Variants in WWC1 observed in about 807,000 individuals in gnomAD.
WWC1 encodes the protein WW and C2 domain containing 1.
Under a neutral mutation model 138.4 loss-of-function variants are expected in WWC1, and 55 were observed. The observed-to-expected ratio is 0.40, with a 90% CI of 0.32 to 0.50. The LOEUF (loss-of-function observed/expected upper bound fraction) is 0.50, where lower values mean the gene tolerates loss of function less well. Ranked by LOEUF, WWC1 falls within the 20% of genes least tolerant of loss-of-function variation. The pLI, the probability that WWC1 is intolerant of heterozygous loss-of-function variation, is 0.72. For synonymous variants in WWC1, 524 were observed against 564.9 expected, an observed-to-expected ratio of 0.93 and a Z score of 1.03; for missense variants, 1,226 against 1,420.4, an observed-to-expected ratio of 0.86 and a Z score of 2.20.
Position 168,392,192 on chromosome 5 carries a change from A to G in WWC1, c.434-5532A>G, listed in dbSNP as rs112485435. Among the ~76,000 whole-genome samples, 162 of 152,254 alleles carry G rather than the reference A, an allele frequency of 1.1e-3. 3 individuals are homozygous for G. Among genetic ancestry groups the G allele is most frequent in the African/African-American group, 3.8e-3 (158 of 41,550 alleles). ...AGCAAATTCAGAGCCAGAGTGTACT[A>G]TCCTGAAAGCACGAGTAAGTGAAGG... On this transcript the variant is annotated intron_variant, in intron 3 of 22. Coordinates refer to ENST00000265293, the MANE Select transcript of WWC1 (RefSeq NM_015238.3).
intron 6 of WWC1, among the ~76,000 whole-genome samples, 155 bp from the exon 7 acceptor site, chr5:168,408,352 A>G (rs1488500760): frequency 6.6e-6 from 1 of 152,050 alleles, no homozygotes; most frequent in Non-Finnish European, 1.5e-5. Flanking sequence ...GGACCCACTC[A>G]CTGCTAGCTC....
At chr5:168,297,557 T>C (rs1304500655) in intron 1 of WWC1, among the ~76,000 whole-genome samples, 2 of 135,110 alleles carry the variant, frequency 1.5e-5, no homozygotes, top group Non-Finnish European at 3.1e-5. Context: ...ATCCGGGAGG[T>C]GGAGGTTGTG....
intron 17 of WWC1, among the ~76,000 whole-genome samples, chr5:168,452,280 G>T (rs1354488405): frequency 6.6e-6 from 1 of 152,168 alleles, no homozygotes; most frequent in Non-Finnish European, 1.5e-5. Flanking sequence ...GGGCTGATTT[G>T]TGTCCCCCCA....
intron 22 of WWC1, 79 bp from the exon 23 acceptor site, chr5:168,468,872 G>A (rs985772804): frequency 2.0e-4 from 301 of 1,508,806 alleles, no homozygotes; most frequent in Non-Finnish European, 2.7e-4. Flanking sequence ...CAGCTCCCAC[G>A]ACAAAGAATT....
At chr5:168,359,716 G>A (rs576814816) in intron 1 of WWC1, among the ~76,000 whole-genome samples, 3 of 151,980 alleles carry the variant, frequency 2.0e-5, no homozygotes, top group Middle Eastern at 3.4e-3. Context: ...CATATCACTT[G>A]TATGTGTAAA....
intron 1 of WWC1, among the ~76,000 whole-genome samples, chr5:168,334,526 G>A (rs1773297961): frequency 6.6e-6 from 1 of 152,100 alleles, no homozygotes; most frequent in South Asian, 2.1e-4. Context: ...CTATAACTGT[G>A]AGGAGTAAGA....
At chr5:168,450,922 G>A (rs13158279) in intron 17 of WWC1, among the ~76,000 whole-genome samples, 47,400 of 152,024 alleles carry the variant, frequency 0.31, 8,717 homozygotes, top group Middle Eastern at 0.46. Flanking sequence ...AGAAAATCGT[G>A]CAGTCCACAT....
chr5:168,469,019 C>A lies in WWC1; in HGVS notation c.*2C>A. ...GCTCTCTCTGCAGATGACGTCTAAT[C>A]GCCAGAAAAGTATTTCCTTTGTTCC... On this transcript the variant is annotated 3_prime_UTR_variant, in exon 23 of 23. Transcript: ENST00000265293. 6.2e-7 allele frequency: 1 copy of A among 1,614,178 alleles called. No homozygotes were observed. The highest frequency in any genetic ancestry group is 8.5e-7 in the Non-Finnish European group (1 of 1,180,020).
Position 168,292,209 on chromosome 5 carries a change from C to T in WWC1, c.57C>T (p.Asp19=), listed in dbSNP as rs778054614. The T allele has an allele frequency of 1.3e-6, 2 of 1,571,144 alleles. No homozygotes were observed. Among genetic ancestry groups the T allele is most frequent in the South Asian group, 1.2e-5 (1 of 85,106 alleles). Residue 19 remains aspartate, a synonymous_variant, in exon 1 of 23, where the codon GAC becomes GAT. Transcript: ENST00000265293. The surrounding 1 kb of genome is among the most constrained non-coding windows in gnomAD (Gnocchi z 4.4). The part of the protein sequence containing the change: ...PEGWEEARDF[D]GKVYYIDHTN... ...GCTGGGAGGAGGCGCGCGACTTCGA[C>T]GGCAAGGTCTACTACATAGACCACA... is the stretch of plus-strand genomic sequence containing the variant.
chr5:168,371,777 A>G (rs1172780735), intron 2 of WWC1, among the ~76,000 whole-genome samples: 3 of 152,086 alleles, frequency 2.0e-5, no homozygotes, highest in East Asian at 1.9e-4. Context: ...CATCTCCCCA[A>G]TTTTATGGGG....
At chr5:168,384,163 A>C (rs549874056) in intron 2 of WWC1, among the ~76,000 whole-genome samples, 1 of 94,246 alleles carries the variant, frequency 1.1e-5, no homozygotes, top group East Asian at 2.3e-4. Flanking sequence ...ATATTTGAAC[A>C]CTTATTTCTG....
chr5:168,358,498 G>T (rs962523598), intron 1 of WWC1, among the ~76,000 whole-genome samples: 6 of 152,176 alleles, frequency 3.9e-5, no homozygotes, highest in Admixed American at 3.9e-4. Flanking sequence ...GCAGCCCAGG[G>T]GCTGGGAAGG....
intron 1 of WWC1, among the ~76,000 whole-genome samples, chr5:168,332,523 G>T (rs1296298478): frequency 1.3e-5 from 2 of 152,148 alleles, no homozygotes; most frequent in African/African-American, 4.8e-5. Flanking sequence ...ATGTGTTTTT[G>T]TGTGCACATG....
chr5:168,393,581 A>G (rs1778663805), intron 3 of WWC1, among the ~76,000 whole-genome samples: 1 of 152,184 alleles, frequency 6.6e-6, no homozygotes, highest in African/African-American at 2.4e-5. Context: ...AGATTTTAGA[A>G]AGCTCATTTC....
chr5:168,467,582 C>T (rs544697313), intron 21 of WWC1: 6 of 430,078 alleles, frequency 1.4e-5, no homozygotes, highest in Admixed American at 3.8e-5. Context: ...TTAGAGGTAG[C>T]GCACATTTCA....
intron 10 of WWC1, 144 bp from the exon 11 acceptor site, chr5:168,423,389 C>A: frequency 1.1e-6 from 1 of 896,632 alleles, no homozygotes; most frequent in Non-Finnish European, 1.7e-6. Flanking sequence ...ATCAGTTTTC[C>A]ATGAAGTGGG....
chr5:168,366,810 T>TACAC (rs1776331958), intron 1 of WWC1, among the ~76,000 whole-genome samples: 1 of 58,720 alleles, frequency 1.7e-5, no homozygotes, highest in African/African-American at 5.2e-5. Flanking sequence ...CACTTTTTTT[T>TACAC]TTTTTTTTTT....
intron 4 of WWC1, 119 bp downstream of exon 4, chr5:168,397,919 C>T: frequency 1.9e-6 from 2 of 1,038,870 alleles, no homozygotes; most frequent in Admixed American, 1.8e-5. Context: ...CCAGTGCTAG[C>T]AAGGTCCTAA....
chr5:168,332,779 G>A (rs1043269691), intron 1 of WWC1, among the ~76,000 whole-genome samples: 2 of 152,024 alleles, frequency 1.3e-5, no homozygotes, highest in Non-Finnish European at 2.9e-5. Context: ...CACAATCTCA[G>A]CTCACTGTAA....
Sources: allele counts gnomAD v4.1 joint callset (sites outside exome capture counted in the v4.1 genomes callset), GRCh38; gene constraint gnomAD v4.1.1; non-coding constraint Gnocchi (gnomAD v3.1); transcripts MANE v1.5; gene names NCBI Gene and HGNC (gene_info 2026-07-23, HGNC 2026-07-21).